The following SGTA variants were observed in gnomAD, a reference collection of about 807,000 sequenced individuals.
The protein encoded by SGTA is small glutamine rich tetratricopeptide repeat co-chaperone alpha.
In SGTA, 22 loss-of-function variants were observed where a neutral mutation model predicts 44.3. That is an observed-to-expected ratio of 0.50 (90% CI 0.36 to 0.71). The LOEUF (loss-of-function observed/expected upper bound fraction) is 0.71. SGTA is among the 30% of genes least tolerant of loss of function. The pLI, the probability that SGTA is intolerant of heterozygous loss-of-function variation, is 0.00. For missense variants in SGTA, 341 were observed against 435.9 expected (o/e 0.78, Z 1.94); for synonymous variants, 174 against 177.6 (o/e 0.98, Z 0.16).
In SGTA at chr19:2,767,486, G is replaced by A; in HGVS notation, c.207+94C>T. 9.6e-7 allele frequency: 1 copy of A among 1,039,758 alleles called. No homozygotes were observed. The highest frequency in any genetic ancestry group is 2.5e-5 in the East Asian group (1 of 39,426). The allele number at this position is 1,039,758 out of a possible 1,614,324, so 64.4% of individuals were successfully genotyped here. A position where few individuals can be genotyped will look rare whatever the true frequency, so the allele number is the denominator to read the frequency against. ...GAGAGGATGCAGGCAGAGTGCTGGG[G>A]GACGATGAGAGCGGGGCTCCTGGGG... On this transcript the variant is annotated intron_variant, in intron 3 of 11. Transcript: ENST00000221566. This position sits in a 1 kb window ranked among gnomAD's most constrained non-coding sequence, Gnocchi z 7.3.
At chr19:2,760,658 G>C (rs1914963453) in intron 8 of SGTA, among the ~76,000 whole-genome samples, 1 of 152,116 alleles carries the variant, frequency 6.6e-6, no homozygotes, top group Non-Finnish European at 1.5e-5. Flanking sequence ...GAAAGACTGG[G>C]GCCCAGTCAC....
chr19:2,768,744 A>G (rs1915217896), intron 2 of SGTA, among the ~76,000 whole-genome samples: 1 of 152,254 alleles, frequency 6.6e-6, no homozygotes, highest in Non-Finnish European at 1.5e-5. Context: ...GAAGGCATCA[A>G]GCAGTGGTGG....
chr19:2,775,690 G>A (rs183452567), intron 1 of SGTA, among the ~76,000 whole-genome samples: 232 of 152,310 alleles, frequency 1.5e-3, no homozygotes, highest in Non-Finnish European at 2.6e-3. Context: ...GGAGGGGAAG[G>A]GGAGTGACAG....
At chr19:2,779,730 T>G (rs952896104) in intron 1 of SGTA, among the ~76,000 whole-genome samples, 6 of 152,214 alleles carry the variant, frequency 3.9e-5, no homozygotes, top group Non-Finnish European at 7.3e-5. Context: ...AGCCGATGAC[T>G]CCACATCCCA....
chr19:2,766,496 G>C (rs941144311), intron 4 of SGTA, among the ~76,000 whole-genome samples: 1 of 151,772 alleles, frequency 6.6e-6, no homozygotes, highest in Non-Finnish European at 1.5e-5. Context: ...GCAGTGGCGC[G>C]ATCTGGACTC....
chr19:2,758,850 G>A (rs890294648), intron 9 of SGTA, among the ~76,000 whole-genome samples: 2 of 152,224 alleles, frequency 1.3e-5, no homozygotes, highest in African/African-American at 4.8e-5. Flanking sequence ...TGCACCTTGA[G>A]GACGTCACGC....
rs532638374 is a variant in SGTA at position 2,767,717 on chromosome 19, T to C, written c.101-31A>G. 2 of 1,553,208 alleles carry C rather than the reference T, an allele frequency of 1.3e-6. No homozygotes were observed. Among genetic ancestry groups the C allele is most frequent in the Non-Finnish European group, 1.8e-6 (2 of 1,125,208 alleles). On this transcript the variant is annotated intron_variant, in intron 2 of 11. Transcript: ENST00000221566. The surrounding 1 kb of genome is among the most constrained non-coding windows in gnomAD (Gnocchi z 7.3). ...GCGGGGACAGAGGCGGTCCCATTCA[T>C]TGCACGCAGCCCCGAGGTTACGTTT...
At chr19:2,777,558 AG>A (rs2144741509) in intron 1 of SGTA, 2 of 152,292 alleles carry the variant, frequency 1.3e-5, no homozygotes, top group South Asian at 4.1e-4. Flanking sequence ...CCTCAAGAAA[AG>A]AGTTTCTCTT....
Position 2,767,372 on chromosome 19 carries a change from T to G in SGTA, c.208-152A>C, listed in dbSNP as rs1246168006. 2 of 735,064 alleles carry G rather than the reference T, an allele frequency of 2.7e-6. No individual in the cohort carries two copies. The highest frequency in any genetic ancestry group is 1.8e-5 in the South Asian group (1 of 57,126). The allele number at this position is 735,064 out of a possible 1,614,324, so 45.5% of individuals were successfully genotyped here. On this transcript the variant is annotated intron_variant, in intron 3 of 11. Transcript: ENST00000221566. This position sits in a 1 kb window ranked among gnomAD's most constrained non-coding sequence, Gnocchi z 7.3. ...CTCCTGGCCCCCCATCATGTGGCCC[T>G]GGGCGAGTGACCACAGCGCTATGTG...
Position 2,767,466 on chromosome 19 carries a change from G to T in SGTA, c.207+114C>A. The stretch of plus-strand genomic sequence containing the variant: ...CAGCCACGTCCCCAGCCCAGGAGAG[G>T]ATGCAGGCAGAGTGCTGGGGGACGA... On this transcript the variant is annotated intron_variant, in intron 3 of 11. Coordinates refer to ENST00000221566, the MANE Select transcript of SGTA (RefSeq NM_003021.4). The surrounding 1 kb of genome is among the most constrained non-coding windows in gnomAD (Gnocchi z 7.3). The T allele has an allele frequency of 2.2e-6, 2 of 907,868 alleles. No homozygotes were observed. The highest frequency in any genetic ancestry group is 3.5e-6 in the Non-Finnish European group (2 of 569,976). 56.2% of individuals were successfully genotyped at this position (907,868 alleles called of 1,614,324 possible). A position where few individuals can be genotyped will look rare whatever the true frequency, so the allele number is the denominator to read the frequency against.
intron 8 of SGTA, among the ~76,000 whole-genome samples, chr19:2,760,980 C>T (rs958241755): frequency 5.9e-5 from 9 of 152,232 alleles, no homozygotes; most frequent in African/African-American, 1.9e-4. Context: ...TGCCAAAGGC[C>T]GTCCCTTTGG....
chr19:2,775,795 A>T (rs1241648444), intron 1 of SGTA, among the ~76,000 whole-genome samples: 20 of 152,212 alleles, frequency 1.3e-4, no homozygotes, highest in Admixed American at 1.3e-3. Context: ...TGAAGGCACC[A>T]AATGCCACTG....
At position 2,757,798 on chromosome 19, in the gene SGTA, CGT is replaced by C; in HGVS notation, c.738-18_738-17del. On this transcript the variant is annotated splice_polypyrimidine_tract_variant and intron_variant, in intron 9 of 11. Transcript: ENST00000221566. ...GCCGGACATGCTGCAGGAGAGAGCG[CGT>C]GACTCGCAGCCGGGACAGCCTGACC... 1 of 1,543,442 alleles carries C rather than the reference CGT, an allele frequency of 6.5e-7. No homozygotes were observed. Among genetic ancestry groups the C allele is most frequent in the Non-Finnish European group, 8.7e-7 (1 of 1,143,032 alleles).
At chr19:2,771,631 C>T (rs955082294) in intron 1 of SGTA, among the ~76,000 whole-genome samples, 3 of 151,918 alleles carry the variant, frequency 2.0e-5, no homozygotes, top group Non-Finnish European at 4.4e-5. Flanking sequence ...TGAACACCCC[C>T]ACACAGGCAG....
intron 1 of SGTA, among the ~76,000 whole-genome samples, chr19:2,769,919 T>C (rs1915255310): frequency 9.4e-6 from 1 of 105,844 alleles, no homozygotes; most frequent in African/African-American, 3.8e-5. Flanking sequence ...ACCAGCCTGG[T>C]TCCCCCACCG....
At chr19:2,775,868 A>G (rs1251673532) in intron 1 of SGTA, among the ~76,000 whole-genome samples, 2 of 152,182 alleles carry the variant, frequency 1.3e-5, no homozygotes, top group African/African-American at 4.8e-5. Flanking sequence ...AAAGGGGGAG[A>G]AATCTACAAG....
intron 4 of SGTA, among the ~76,000 whole-genome samples, chr19:2,766,061 C>T (rs1214717051): frequency 1.3e-5 from 2 of 152,036 alleles, no homozygotes; most frequent in East Asian, 1.9e-4. Context: ...ACTAGAAATA[C>T]AAAAATTAGC....
rs942471052 is a variant in SGTA at position 2,769,227 on chromosome 19, G to C, written c.-23-136C>G. ...AGCTCCAGGACAGCCCAGGTAGAAA[G>C]GCCTTAATACGCCCATTTCACAGAT... On this transcript the variant is annotated intron_variant, in intron 1 of 11. Transcript: ENST00000221566. The C allele has an allele frequency of 3.3e-5, 20 of 605,542 alleles. No homozygotes were observed. The Admixed American group carries it at 3.9e-4, about 12-fold the overall frequency. The allele number at this position is 605,542 out of a possible 1,614,324, so 37.5% of individuals were successfully genotyped here.
At chr19:2,780,836 C>G (rs773162653) in intron 1 of SGTA, among the ~76,000 whole-genome samples, 21 of 152,186 alleles carry the variant, frequency 1.4e-4, no homozygotes, top group Non-Finnish European at 2.5e-4. Flanking sequence ...CCTGTAATCA[C>G]AGAACTCTGG....
Sources: allele counts gnomAD v4.1 joint callset (sites outside exome capture counted in the v4.1 genomes callset), GRCh38; gene constraint gnomAD v4.1.1; non-coding constraint Gnocchi (gnomAD v3.1); transcripts MANE v1.5; gene names NCBI Gene and HGNC (gene_info 2026-07-23, HGNC 2026-07-21).